RGPD3: variants seen among roughly 807,000 people sequenced by gnomAD.
RGPD3 encodes RANBP2 like and GRIP domain containing 3.
Under a neutral mutation model 154.5 loss-of-function variants are expected in RGPD3, and 62 were observed. That is an observed-to-expected ratio of 0.40 (90% CI 0.33 to 0.50). The LOEUF is 0.50. RGPD3 is among the 20% of genes least tolerant of loss of function. The pLI, the probability that RGPD3 is intolerant of heterozygous loss-of-function variation, is 0.59. For missense variants in RGPD3, 919 were observed against 1,716.8 expected, an observed-to-expected ratio of 0.54 and a Z score of 8.21; for synonymous variants, 308 against 607.0, an observed-to-expected ratio of 0.51 and a Z score of 7.24.
At position 106,436,257 on chromosome 2, in the gene RGPD3, G is replaced by C. The variant is rs754062160; in HGVS notation, c.1635-11C>G. 3.7e-6 allele frequency: 6 copies of C among 1,611,824 alleles called. No homozygotes were observed. Among genetic ancestry groups the C allele is most frequent in the Non-Finnish European group, 4.2e-6 (5 of 1,179,830 alleles). On this transcript the variant is annotated splice_polypyrimidine_tract_variant and intron_variant, in intron 11 of 22. Transcript: ENST00000409886. Reference sequence around the variant, plus strand: ...GCTGAGTTTCCAGGTCTAAAAAATAGTTCAATTTACTAAAATTGCTTTCTA... The same window carrying C: ...GCTGAGTTTCCAGGTCTAAAAAATACTTCAATTTACTAAAATTGCTTTCTA...
rs756473846 is a variant in RGPD3 at position 106,405,203 on chromosome 2, A to G, written c.*16T>C. 3.7e-6 allele frequency: 6 copies of G among 1,610,294 alleles called. No homozygotes were observed. On this transcript the variant is annotated 3_prime_UTR_variant, in exon 23 of 23. Transcript: ENST00000409886. ...CTACGAAGATAGGATGCCCATCCAG[A>G]AGAACGGGAAGCATTTTATTCCTCA... is the stretch of plus-strand genomic sequence containing the variant.
In RGPD3 at chr2:106,424,218, T is replaced by A. The variant is rs1431023238; in HGVS notation, c.3749A>T (p.Asp1250Val). 1 of 1,611,908 alleles carries A rather than the reference T, an allele frequency of 6.2e-7. No individual in the cohort carries two copies. The highest frequency in any genetic ancestry group is 1.3e-5 in the African/African-American group (1 of 74,858). Residue 1250 changes from aspartate to valine, a missense_variant, in exon 20 of 23, where the codon GAT (aspartate) becomes GTT (valine). Transcript: ENST00000409886. ...AGCATCTTCCCTTAAATCATAGTTATCCCATTCTAATGTGGGCCCAGTGTT... is the reference window on the plus strand; with the variant it reads ...AGCATCTTCCCTTAAATCATAGTTAACCCATTCTAATGTGGGCCCAGTGTT... ...AENTGPTLEW[D>V]NYDLREDALD...
intron 20 of RGPD3, among the ~76,000 whole-genome samples, chr2:106,417,725 G>A (rs1406155939): frequency 3.3e-5 from 5 of 150,728 alleles, no homozygotes; most frequent in Non-Finnish European, 5.9e-5. Context: ...CTATTGATTC[G>A]GCCTTACAGA....
intron 1 of RGPD3, among the ~76,000 whole-genome samples, chr2:106,464,680 G>A (rs1170638149): frequency 2.0e-5 from 3 of 151,938 alleles, no homozygotes; most frequent in African/African-American, 7.2e-5. Flanking sequence ...CTAAACAGAA[G>A]CCATCTGGAA....
intron 22 of RGPD3, among the ~76,000 whole-genome samples, chr2:106,411,621 G>T (rs1676674226): frequency 6.6e-6 from 1 of 151,012 alleles, no homozygotes; most frequent in South Asian, 2.1e-4. Flanking sequence ...AAGATCAGGA[G>T]ATTGAGACCA....
intron 22 of RGPD3, among the ~76,000 whole-genome samples, chr2:106,407,395 A>G (rs1024625839): frequency 1.3e-5 from 2 of 152,192 alleles, no homozygotes; most frequent in African/African-American, 4.8e-5. Flanking sequence ...AATGAGGGCA[A>G]AGAACTCTGA....
chr2:106,418,236 T>A (rs1409724690), intron 20 of RGPD3, among the ~76,000 whole-genome samples: 1 of 146,250 alleles, frequency 6.8e-6, no homozygotes, highest in Non-Finnish European at 1.5e-5. Flanking sequence ...AACTGTTAGA[T>A]AACACAGCTC....
At chr2:106,455,026 C>A (rs1263680181) in intron 4 of RGPD3, among the ~76,000 whole-genome samples, 2 of 151,914 alleles carry the variant, frequency 1.3e-5, no homozygotes, top group African/African-American at 4.8e-5. Context: ...TAAGGCTGGG[C>A]ACAGTGGCTC....
chr2:106,464,729 T>G (rs1678514943), intron 1 of RGPD3, among the ~76,000 whole-genome samples: 1 of 152,116 alleles, frequency 6.6e-6, no homozygotes. Flanking sequence ...TTTTTTTCTT[T>G]TTTTCTTTTT....
chr2:106,462,175 C>G (rs1207868869), intron 1 of RGPD3, among the ~76,000 whole-genome samples: 4 of 152,088 alleles, frequency 2.6e-5, no homozygotes, highest in Non-Finnish European at 4.4e-5. Context: ...GCCACGGAGC[C>G]CGGCCAGTTC....
At chr2:106,414,956 T>C (rs1007048673) in intron 21 of RGPD3, among the ~76,000 whole-genome samples, 13 of 152,184 alleles carry the variant, frequency 8.5e-5, no homozygotes, top group African/African-American at 3.1e-4. Flanking sequence ...AATTTTTCTC[T>C]TAACCAGTGA....
rs1315116588 is a variant in RGPD3 at position 106,404,485 on chromosome 2, TA to T, written c.*733del. On this transcript the variant is annotated 3_prime_UTR_variant, in exon 23 of 23. Transcript: ENST00000409886. Reference sequence around the variant, plus strand: ...TAACTTAGCACAATTAACTGCAGCATATTTACTTCATAGCCCCTTAACATGT... The same window carrying T: ...TAACTTAGCACAATTAACTGCAGCATTTTACTTCATAGCCCCTTAACATGT... 2.9e-5 allele frequency among the ~76,000 whole-genome samples: 4 copies of T among 139,078 alleles called. No individual in the cohort carries two copies. The highest frequency in any genetic ancestry group is 6.2e-5 in the Non-Finnish European group (4 of 64,864). 91.2% of individuals were successfully genotyped at this position (139,078 alleles called of 152,430 possible). A position where few individuals can be genotyped will look rare whatever the true frequency, so the allele number is the denominator to read the frequency against.
chr2:106,404,937 G>C lies in RGPD3; in HGVS notation c.*282C>G, dbSNP rs1273050367. 3.9e-6 allele frequency: 2 copies of C among 511,732 alleles called. No homozygotes were observed. Among genetic ancestry groups the C allele is most frequent in the African/African-American group, 2.0e-5 (1 of 50,010 alleles). 31.7% of individuals were successfully genotyped at this position (511,732 alleles called of 1,614,324 possible). ...GGTTTTATTCTGGCAGCATGCATGG[G>C]AGATCACATGAGTTAGAGGGCTGTG... On this transcript the variant is annotated 3_prime_UTR_variant, in exon 23 of 23. Coordinates refer to ENST00000409886, the MANE Select transcript of RGPD3 (RefSeq NM_001144013.2).
chr2:106,467,371 A>C (rs1237632686), intron 1 of RGPD3, among the ~76,000 whole-genome samples: 26 of 111,246 alleles, frequency 2.3e-4, no homozygotes, highest in Admixed American at 5.1e-4. Flanking sequence ...CCGCCTCAAC[A>C]GAGCGCGCCA....
At chr2:106,417,699 T>A (rs973115209) in intron 20 of RGPD3, among the ~76,000 whole-genome samples, 2 of 151,046 alleles carry the variant, frequency 1.3e-5, no homozygotes, top group Non-Finnish European at 2.9e-5. Context: ...AGGTTAAGTA[T>A]GAGATTGTTC....
At chr2:106,420,304 C>T (rs539378857) in intron 20 of RGPD3, among the ~76,000 whole-genome samples, 3 of 149,716 alleles carry the variant, frequency 2.0e-5, no homozygotes, top group Admixed American at 6.8e-5. Context: ...TGGCTGAAAA[C>T]AACCCATCCC....
chr2:106,461,852 A>G (rs1372887075), intron 1 of RGPD3, among the ~76,000 whole-genome samples: 1 of 152,104 alleles, frequency 6.6e-6, no homozygotes, highest in Non-Finnish European at 1.5e-5. Context: ...GAACTATAGC[A>G]ATCTTAACAA....
intron 7 of RGPD3, among the ~76,000 whole-genome samples, chr2:106,446,807 A>T (rs1573285768): frequency 6.7e-6 from 1 of 149,046 alleles, no homozygotes; most frequent in Non-Finnish European, 1.5e-5. Context: ...ACTTGAACCC[A>T]GGAGGTGGAG....
chr2:106,466,031 T>C (rs1275265348), intron 1 of RGPD3, among the ~76,000 whole-genome samples: 1 of 150,714 alleles, frequency 6.6e-6, no homozygotes, highest in Non-Finnish European at 1.5e-5. Context: ...ATAAAGTAAA[T>C]GTCCAGGAGA....
Sources: allele counts gnomAD v4.1 joint callset (sites outside exome capture counted in the v4.1 genomes callset), GRCh38; gene constraint gnomAD v4.1.1; transcripts MANE v1.5; gene names NCBI Gene and HGNC (gene_info 2026-07-23, HGNC 2026-07-21).